TCERG1: variants seen among roughly 807,000 people sequenced by gnomAD.
TCERG1 encodes TATA box binding protein (TBP)-associated factor, RNA polymerase II, S, 150kD.
Under a neutral mutation model 144.7 loss-of-function variants are expected in TCERG1, and 37 were observed. That is an observed-to-expected ratio of 0.26 (90% confidence interval 0.20 to 0.34). The LOEUF is 0.34. TCERG1 is among the 10% of genes least tolerant of loss of function. TCERG1 has a pLI of 1.00. For synonymous variants in TCERG1, 492 were observed against 458.2 expected, an observed-to-expected ratio of 1.07 and a Z score of -0.94; for missense variants, 1,027 against 1,380.7, an observed-to-expected ratio of 0.74 and a Z score of 4.06.
chr5:146,456,507 C>T (rs940764286), intron 2 of TCERG1, among the ~76,000 whole-genome samples: 3 of 152,044 alleles, frequency 2.0e-5, no homozygotes, highest in African/African-American at 4.8e-5. Context: ...GCTCATGAAA[C>T]GTATTTGGGA....
intron 3 of TCERG1, among the ~76,000 whole-genome samples, chr5:146,458,418 T>G (rs1763021059): frequency 6.6e-6 from 1 of 151,904 alleles, no homozygotes; most frequent in African/African-American, 2.4e-5. Flanking sequence ...CCTCAGGTGA[T>G]CTGCTCACTT....
intron 10 of TCERG1, among the ~76,000 whole-genome samples, chr5:146,479,167 C>T (rs1339133020): frequency 6.6e-6 from 1 of 151,968 alleles, no homozygotes; most frequent in Non-Finnish European, 1.5e-5. Context: ...ATATTGAGTA[C>T]AGATATTTGT....
intron 1 of TCERG1, among the ~76,000 whole-genome samples, chr5:146,453,806 CTT>C (rs897449234): frequency 2.0e-5 from 3 of 151,684 alleles, no homozygotes; most frequent in Non-Finnish European, 4.4e-5. Flanking sequence ...TGTTATGACT[CTT>C]TAACCTTTTT....
chr5:146,467,645 G>A (rs905322259), intron 5 of TCERG1, among the ~76,000 whole-genome samples: 1 of 152,190 alleles, frequency 6.6e-6, no homozygotes. Context: ...TGGTATTAAA[G>A]GGGCTGTATG....
chr5:146,488,372 C>G (rs1766051187), intron 15 of TCERG1, among the ~76,000 whole-genome samples: 1 of 152,098 alleles, frequency 6.6e-6, no homozygotes, highest in African/African-American at 2.4e-5. Context: ...GTACAAGGAA[C>G]TCAGTCATCC....
chr5:146,503,961 A>T lies in TCERG1; in HGVS notation c.2736A>T (p.Lys912Asn). 6.2e-7 allele frequency: 1 copy of T among 1,600,768 alleles called. No homozygotes were observed. The highest frequency in any genetic ancestry group is 8.5e-7 in the Non-Finnish European group (1 of 1,175,268). ...KEIDREREQH[K>N]REEAIQNFKA... ...TAGATCGAGAGAGAGAGCAGCACAA[A>T]CGAGAAGAAGCTATCCAGAATTTCA... Residue 912 changes from lysine (K) to asparagine (N), a missense_variant, in exon 19 of 23, where the codon AAA becomes AAT. Coordinates refer to ENST00000679501, the MANE Select transcript of TCERG1 (RefSeq NM_001382548.1).
intron 4 of TCERG1, among the ~76,000 whole-genome samples, chr5:146,459,953 A>G (rs2150277847): frequency 6.6e-6 from 1 of 152,306 alleles, no homozygotes; most frequent in East Asian, 1.9e-4. Flanking sequence ...GGTCTTAAGA[A>G]CTAGGCAAAT....
At chr5:146,448,023 T>C (rs911783474) in intron 1 of TCERG1, among the ~76,000 whole-genome samples, 2 of 152,244 alleles carry the variant, frequency 1.3e-5, no homozygotes, top group Admixed American at 6.5e-5. Context: ...TATTAGGCAC[T>C]TACCGTGTGC....
chr5:146,452,706 C>G (rs1762464302), intron 1 of TCERG1, among the ~76,000 whole-genome samples: 2 of 152,200 alleles, frequency 1.3e-5, no homozygotes, highest in Non-Finnish European at 2.9e-5. Flanking sequence ...TCTTCTGCTT[C>G]CGCCTCCCAA....
chr5:146,482,861 A>AT, intron 14 of TCERG1, 134 bp downstream of exon 14: 1 of 1,242,926 alleles, frequency 8.0e-7, no homozygotes, highest in Non-Finnish European at 1.1e-6. Flanking sequence ...ATTACTGTAC[A>AT]TTTTTTGCAA....
At chr5:146,497,111 A>G (rs10477301) in intron 16 of TCERG1, among the ~76,000 whole-genome samples, 21,104 of 151,678 alleles carry the variant, frequency 0.14, 2,477 homozygotes, top group East Asian at 0.71. Context: ...ACCTCAACTG[A>G]TCCACCTGCC....
chr5:146,507,556 G>T lies in TCERG1; in HGVS notation c.2962-317G>T. On this transcript the variant is annotated intron_variant, in intron 20 of 22. Transcript: ENST00000679501. This position sits in a 1 kb window ranked among gnomAD's most constrained non-coding sequence, Gnocchi z 4.6. ...GCAGTTTGTACGCTTTGTTATCCAG[G>T]TTTTGTTCCTTTTTATTTGCTCTCT... 2 of 325,096 alleles carry T rather than the reference G, an allele frequency of 6.2e-6. No homozygotes were observed. Among genetic ancestry groups the T allele is most frequent in the South Asian group, 9.6e-5 (1 of 10,398 alleles). The allele number at this position is 325,096 out of a possible 1,614,324, so 20.1% of individuals were successfully genotyped here.
rs939447846 is a variant in TCERG1, at chr5:146,459,060, C to T, written c.615C>T (p.Ala205=). 9.4e-6 allele frequency: 15 copies of T among 1,594,116 alleles called. No individual in the cohort carries two copies. Among genetic ancestry groups the T allele is most frequent in the South Asian group, 6.6e-5 (6 of 90,300 alleles). ...AQAQAQAQAQ[A]QAQAQAQAQA... Reference sequence around the variant, plus strand: ...CTCAGGCCCAGGCACAAGCTCAGGCCCAGGCTCAGGCTCAGGCCCAGGCCC... The same window carrying T: ...CTCAGGCCCAGGCACAAGCTCAGGCTCAGGCTCAGGCTCAGGCCCAGGCCC... Residue 205 remains alanine, a synonymous_variant, in exon 4 of 23, where the codon GCC becomes GCT. Coordinates refer to ENST00000679501, the MANE Select transcript of TCERG1 (RefSeq NM_001382548.1).
Position 146,498,521 on chromosome 5 carries a change from G to T in TCERG1, c.2283-15G>T. 1.3e-6 allele frequency: 2 copies of T among 1,597,044 alleles called. No individual in the cohort carries two copies. The highest frequency in any genetic ancestry group is 4.5e-5 in the East Asian group (2 of 44,526). ...AGTAACTGCCAAAGTTAGCACACTT[G>T]TAATTTTGTTACAGAGCAACTTTTA... is the stretch of plus-strand genomic sequence containing the variant. On this transcript the variant is annotated splice_polypyrimidine_tract_variant and intron_variant, in intron 16 of 22. Coordinates refer to ENST00000679501, the MANE Select transcript of TCERG1 (RefSeq NM_001382548.1).
In TCERG1 at chr5:146,503,796, A is replaced by G. The variant is rs778569566; in HGVS notation, c.2599-28A>G. 10 of 1,555,648 alleles carry G rather than the reference A, an allele frequency of 6.4e-6. No homozygotes were observed. The East Asian group carries it at 2.2e-4, about 35-fold the overall frequency. On this transcript the variant is annotated intron_variant, in intron 18 of 22. Coordinates refer to ENST00000679501, the MANE Select transcript of TCERG1 (RefSeq NM_001382548.1). Reference sequence around the variant, plus strand: ...AACATATTTTGATGGAGTTGGTAAGAAGGATAATGTAGTTTTTGCTTTTAC... The same window carrying G: ...AACATATTTTGATGGAGTTGGTAAGGAGGATAATGTAGTTTTTGCTTTTAC...
At chr5:146,506,308 A>T (rs759411741) in intron 19 of TCERG1, among the ~76,000 whole-genome samples, 5 of 152,208 alleles carry the variant, frequency 3.3e-5, no homozygotes, top group Non-Finnish European at 5.9e-5. Flanking sequence ...CCAATGAAGC[A>T]TATCTTTTTG....
At chr5:146,478,163 T>TTGCC (rs1765025400) in intron 9 of TCERG1, among the ~76,000 whole-genome samples, 1 of 152,246 alleles carries the variant, frequency 6.6e-6, no homozygotes, top group Non-Finnish European at 1.5e-5. Context: ...AGCATTATTG[T>TTGCC]TGCCATTAAA....
chr5:146,459,704 AT>A (rs1335989348), intron 4 of TCERG1, among the ~76,000 whole-genome samples: 1 of 152,178 alleles, frequency 6.6e-6, no homozygotes, highest in East Asian at 1.9e-4. Flanking sequence ...AAACAATTAG[AT>A]ATTGGTGTGC....
rs567068416 is a variant in TCERG1, at chr5:146,475,342, G to C, written c.1602-3151G>C. On this transcript the variant is annotated intron_variant, in intron 9 of 22. Transcript: ENST00000679501. ...TAGTTCATAAGTGATGATTATTATTGTGTAGATCAGATGTTTTCAACTAGG... is the reference window on the plus strand; with the variant it reads ...TAGTTCATAAGTGATGATTATTATTCTGTAGATCAGATGTTTTCAACTAGG... Among the ~76,000 whole-genome samples, 10 of 152,178 alleles carry C rather than the reference G, an allele frequency of 6.6e-5. No homozygotes were observed. The South Asian group carries it at 2.1e-3, about 32-fold the overall frequency.
Sources: gnomAD v4.1 joint callset for allele counts (sites outside exome capture counted in the v4.1 genomes callset) on GRCh38, gnomAD v4.1.1 for gene constraint, Gnocchi (gnomAD v3.1) non-coding constraint, MANE v1.5 for transcripts, NCBI Gene and HGNC (gene_info 2026-07-23, HGNC 2026-07-21) for gene names.